The following ENTHD1 variants were observed in gnomAD, a reference collection of about 807,000 sequenced individuals.
The protein encoded by ENTHD1 is ENTH domain-containing protein 1.
A neutral mutation model predicts 39.1 loss-of-function variants in ENTHD1; 23 were observed. The ratio of observed to expected loss-of-function variants is 0.59; its 90% CI spans 0.42 to 0.83. The LOEUF is 0.83. Ranked by LOEUF, ENTHD1 falls within the 40% of genes least tolerant of loss-of-function variation. The pLI is 0.00. For missense variants in ENTHD1, 624 were observed against 705.4 expected (o/e 0.88, Z 1.31); for synonymous variants, 230 against 258.2 (o/e 0.89, Z 1.05).
At chr22:39,828,225 T>C (rs1219268511) in intron 4 of ENTHD1, among the ~76,000 whole-genome samples, 1 of 152,168 alleles carries the variant, frequency 6.6e-6, no homozygotes, top group Non-Finnish European at 1.5e-5. Context: ...TTGAGAAGCA[T>C]GGAGGAGTAA....
At chr22:39,865,731 T>G (rs1043927916) in intron 2 of ENTHD1, among the ~76,000 whole-genome samples, 29 of 152,226 alleles carry the variant, frequency 1.9e-4, no homozygotes, top group African/African-American at 7.0e-4. Flanking sequence ...CAGGTTAAAG[T>G]GAAAATAAAG....
intron 5 of ENTHD1, among the ~76,000 whole-genome samples, chr22:39,774,071 A>C (rs899207287): frequency 3.0e-4 from 45 of 152,190 alleles, no homozygotes; most frequent in African/African-American, 1.1e-3. Context: ...CATAGACAGA[A>C]CCAGGGCTGG....
chr22:39,889,842 A>T (rs1307254597), intron 1 of ENTHD1, among the ~76,000 whole-genome samples: 1 of 152,132 alleles, frequency 6.6e-6, no homozygotes, highest in Non-Finnish European at 1.5e-5. Context: ...CACACCTGTA[A>T]TCCTAGCACT....
intron 2 of ENTHD1, among the ~76,000 whole-genome samples, chr22:39,871,471 G>T (rs118083148): frequency 6.6e-6 from 1 of 152,130 alleles, no homozygotes; most frequent in Admixed American, 6.5e-5. Context: ...AAGTCATAAA[G>T]CTAATAAACT....
chr22:39,816,009 G>A (rs79870771), intron 5 of ENTHD1, among the ~76,000 whole-genome samples: 10,377 of 152,216 alleles, frequency 0.068, 410 homozygotes, highest in South Asian at 0.12. Flanking sequence ...GAGGATAGGG[G>A]CAAGTCAGTG....
chr22:39,840,833 C>T (rs925783951), intron 3 of ENTHD1, among the ~76,000 whole-genome samples: 1 of 152,052 alleles, frequency 6.6e-6, no homozygotes, highest in African/African-American at 2.4e-5. Flanking sequence ...CAGCTCACTG[C>T]AAGCTCCGCC....
rs549402208 is a variant in ENTHD1, at chr22:39,877,816, G to C, written c.349+9584C>G. On this transcript the variant is annotated intron_variant, in intron 2 of 6. Transcript: ENST00000325157. ...GTCTTAACAGAGCCTAACTGATCTG[G>C]AAGATCAGTAAGCCTAACTTACTGC... Among the ~76,000 whole-genome samples the C allele has an allele frequency of 3.9e-5, 6 of 152,084 alleles. No individual in the cohort carries two copies. The South Asian group carries it at 8.3e-4, about 21-fold the overall frequency.
intron 5 of ENTHD1, among the ~76,000 whole-genome samples, chr22:39,803,144 G>A (rs1389692675): frequency 6.6e-6 from 1 of 151,980 alleles, no homozygotes; most frequent in African/African-American, 2.4e-5. Context: ...GACTTCCGCT[G>A]CCCACATGCC....
intron 3 of ENTHD1, among the ~76,000 whole-genome samples, chr22:39,861,322 T>C (rs578162198): frequency 2.0e-5 from 3 of 152,258 alleles, no homozygotes; most frequent in African/African-American, 7.2e-5. Flanking sequence ...GGAGGATCAC[T>C]TGAGGTCATG....
At chr22:39,794,931 A>ATAT (rs1201130816) in intron 5 of ENTHD1, among the ~76,000 whole-genome samples, 1 of 151,966 alleles carries the variant, frequency 6.6e-6, no homozygotes, top group Non-Finnish European at 1.5e-5. Flanking sequence ...ATGTTGGGGT[A>ATAT]TATTCCTTCT....
At chr22:39,876,514 T>TG (rs2066290709) in intron 2 of ENTHD1, among the ~76,000 whole-genome samples, 1 of 105,794 alleles carries the variant, frequency 9.5e-6, no homozygotes, top group South Asian at 2.9e-4. Flanking sequence ...ACGGGTCATC[T>TG]AAAAAAAAAA....
chr22:39,870,307 C>A (rs2066231865), intron 2 of ENTHD1, among the ~76,000 whole-genome samples: 1 of 151,906 alleles, frequency 6.6e-6, no homozygotes, highest in Admixed American at 6.6e-5. Context: ...CCGTGTCCAG[C>A]CAACAGGAGA....
At chr22:39,802,708 G>C (rs966963608) in intron 5 of ENTHD1, among the ~76,000 whole-genome samples, 1 of 152,224 alleles carries the variant, frequency 6.6e-6, no homozygotes, top group African/African-American at 2.4e-5. Flanking sequence ...CTTTGCTTCT[G>C]AAGCTCTTCC....
intron 2 of ENTHD1, chr22:39,875,388 C>T: frequency 2.8e-6 from 4 of 1,438,962 alleles, no homozygotes; most frequent in Non-Finnish European, 2.7e-6. Flanking sequence ...GTGCAGGCCA[C>T]GGTGCCCGCC....
At chr22:39,878,257 A>G (rs143038911) in intron 2 of ENTHD1, among the ~76,000 whole-genome samples, 262 of 152,340 alleles carry the variant, frequency 1.7e-3, no homozygotes, top group African/African-American at 6.0e-3. Context: ...TAAAACTGAA[A>G]AGCAAAGAGA....
At chr22:39,785,912 T>C (rs186399113) in intron 5 of ENTHD1, among the ~76,000 whole-genome samples, 76 of 152,278 alleles carry the variant, frequency 5.0e-4, no homozygotes, top group African/African-American at 1.8e-3. Flanking sequence ...TTTCAAACCC[T>C]CTCTGCTCGT....
chr22:39,776,083 G>A (rs75610506), intron 5 of ENTHD1, among the ~76,000 whole-genome samples: 1,955 of 151,734 alleles, frequency 0.013, 45 homozygotes, highest in African/African-American at 0.045. Flanking sequence ...TTGTAGAGAC[G>A]AGCTCTTGCT....
At chr22:39,803,082 C>G (rs148415331) in intron 5 of ENTHD1, among the ~76,000 whole-genome samples, 5 of 152,286 alleles carry the variant, frequency 3.3e-5, no homozygotes, top group Admixed American at 3.3e-4. Flanking sequence ...TATCCCTCCT[C>G]TGCTTCTTAT....
At chr22:39,830,433 T>C (rs2065860156) in intron 4 of ENTHD1, among the ~76,000 whole-genome samples, 1 of 152,138 alleles carries the variant, frequency 6.6e-6, no homozygotes, top group South Asian at 2.1e-4. Context: ...AACAGCGAAA[T>C]TTTAATTTTA....
Sources: gnomAD v4.1 joint callset for allele counts (sites outside exome capture counted in the v4.1 genomes callset) on GRCh38, gnomAD v4.1.1 for gene constraint, MANE v1.5 for transcripts, NCBI Gene and HGNC (gene_info 2026-07-23, HGNC 2026-07-21) for gene names.